The following DCBLD1 variants were observed in gnomAD, a reference collection of about 807,000 sequenced individuals.
DCBLD1 encodes discoidin, CUB and LCCL domain containing 1.
A neutral mutation model predicts 71.5 loss-of-function variants in DCBLD1; 57 were observed. That is an observed-to-expected ratio of 0.80 (90% confidence interval 0.64 to 0.99). DCBLD1 has a LOEUF of 0.99. DCBLD1 is among the 50% of genes least tolerant of loss of function. DCBLD1 has a pLI of 0.00. For missense variants in DCBLD1, 891 were observed against 923.5 expected, an observed-to-expected ratio of 0.96 and a Z score of 0.46; for synonymous variants, 380 against 363.8, an observed-to-expected ratio of 1.04 and a Z score of -0.51.
At chr6:117,569,450 A>T in intron 14 of DCBLD1, 1 of 1,305,554 alleles carries the variant, frequency 7.7e-7, no homozygotes, top group East Asian at 2.7e-5. Context: ...ATTAAATCAA[A>T]GGAAACAAGA....
At chr6:117,550,925 A>C (rs1048138870), downstream of DCBLD1, among the ~76,000 whole-genome samples, 1 of 152,166 alleles carries the variant, frequency 6.6e-6, no homozygotes, top group Non-Finnish European at 1.5e-5. Context: ...AGAGCAGTTG[A>C]ATCCCTCCAA....
chr6:117,562,807 G>A (rs1779613352), intron 14 of DCBLD1: 1 of 210,668 alleles, frequency 4.7e-6, no homozygotes, highest in Non-Finnish European at 9.6e-6. Flanking sequence ...ACAATTCATT[G>A]AGTCAAGCTC....
intron 1 of DCBLD1, among the ~76,000 whole-genome samples, chr6:117,502,981 C>CCTTG (rs1461471577): frequency 1.3e-5 from 2 of 152,134 alleles, no homozygotes. Flanking sequence ...TTCTTTCTTG[C>CCTTG]CTCTCTCCTT....
intron 7 of DCBLD1, 93 bp from the exon 8 acceptor site, chr6:117,538,527 G>A (rs1778976174): frequency 8.3e-7 from 1 of 1,201,632 alleles, no homozygotes; most frequent in Non-Finnish European, 1.2e-6. Flanking sequence ...AAGTCAACTA[G>A]TTGAATATTT....
At chr6:117,537,662 C>CTTTTTTT (rs68032011) in intron 7 of DCBLD1, among the ~76,000 whole-genome samples, 1 of 46,880 alleles carries the variant, frequency 2.1e-5, no homozygotes, top group Non-Finnish European at 3.7e-5. Context: ...TACATAGCAC[C>CTTTTTTT]TTTTTTTTTT....
At chr6:117,553,515 A>G (rs899755579), downstream of DCBLD1, among the ~76,000 whole-genome samples, 1 of 152,192 alleles carries the variant, frequency 6.6e-6, no homozygotes, top group African/African-American at 2.4e-5. Context: ...TCTCCCAAGT[A>G]TAAAGAATTC....
chr6:117,515,287 G>T (rs529288692), intron 2 of DCBLD1, among the ~76,000 whole-genome samples: 14 of 152,256 alleles, frequency 9.2e-5, no homozygotes, highest in Admixed American at 2.0e-4. Context: ...CTCCCACAGT[G>T]CTGGGATTAC....
chr6:117,545,351 A>G (rs1779231730), intron 13 of DCBLD1, 127 bp from the exon 14 acceptor site: 2 of 1,265,090 alleles, frequency 1.6e-6, no homozygotes, highest in Admixed American at 3.9e-5. Flanking sequence ...CACACACCTG[A>G]GGAGGACATT....
chr6:117,543,596 C>T (rs1361172830), intron 12 of DCBLD1, among the ~76,000 whole-genome samples: 1 of 152,156 alleles, frequency 6.6e-6, no homozygotes, highest in African/African-American at 2.4e-5. Context: ...TGGTCTCAAA[C>T]TTCTGGTCTC....
chr6:117,483,314 C>A (rs1198546704), intron 1 of DCBLD1, among the ~76,000 whole-genome samples: 1 of 152,240 alleles, frequency 6.6e-6, no homozygotes, highest in African/African-American at 2.4e-5. Context: ...TTGACAAAGC[C>A]GCTCCTCGGC....
intron 11 of DCBLD1, 83 bp from the exon 12 acceptor site, chr6:117,543,041 T>A: frequency 8.4e-7 from 1 of 1,184,074 alleles, no homozygotes; most frequent in Non-Finnish European, 1.3e-6. Context: ...TAAAGACTTT[T>A]CAATTCCATG....
intron 4 of DCBLD1, among the ~76,000 whole-genome samples, chr6:117,523,046 T>G (rs12183926): frequency 0.016 from 2,453 of 152,294 alleles, 52 homozygotes; most frequent in African/African-American, 0.056. Context: ...TAATTAAATA[T>G]TGGTTTTAAA....
At chr6:117,528,445 T>A (rs1778612314) in intron 5 of DCBLD1, among the ~76,000 whole-genome samples, 1 of 152,266 alleles carries the variant, frequency 6.6e-6, no homozygotes, top group African/African-American at 2.4e-5. Flanking sequence ...CAACCTAAAA[T>A]GTTTACTTTT....
At chr6:117,532,519 T>G in intron 6 of DCBLD1, 126 bp downstream of exon 6, 1 of 1,219,698 alleles carries the variant, frequency 8.2e-7, no homozygotes, top group Non-Finnish European at 1.1e-6. Context: ...TGGAAAAATA[T>G]GCATGAGTGC....
intron 1 of DCBLD1, among the ~76,000 whole-genome samples, chr6:117,499,440 C>T (rs1777579943): frequency 6.6e-6 from 1 of 151,484 alleles, no homozygotes; most frequent in Non-Finnish European, 1.5e-5. Context: ...AAAAAGCATA[C>T]AGGATAACAA....
intron 2 of DCBLD1, among the ~76,000 whole-genome samples, chr6:117,513,977 A>C (rs998941061): frequency 1.3e-5 from 2 of 152,200 alleles, no homozygotes; most frequent in African/African-American, 4.8e-5. Context: ...CTTTCATAAG[A>C]CAAGAGATTA....
At position 117,548,431 on chromosome 6, in the gene DCBLD1, C is replaced by T. The variant is rs210622; in HGVS notation, c.2140C>T (p.Leu714Phe). The change falls in exon 15 of 15, where the codon CTT becomes TTT. Residue 714 changes from leucine to phenylalanine, a missense_variant. Physicochemically the swap from Leu to Phe is conservative, Grantham distance 22. Transcript: ENST00000338728. ...TPLNQTAMTA[L>F]L ...CCTCAACCAGACGGCCATGACTGCC[C>T]TTTTGTGAACACAATGTGAAAGAAG... 8.6e-3 allele frequency: 13,319 copies of T among 1,550,566 alleles called. 977 individuals carry two copies. In the African/African-American group the frequency reaches 0.16, roughly 19 times the overall value.
chr6:117,567,096 C>A, intron 14 of DCBLD1: 2 of 1,297,510 alleles, frequency 1.5e-6, no homozygotes, highest in Non-Finnish European at 2.1e-6. Flanking sequence ...AAAAGGATTT[C>A]CAAATTCTTT....
intron 6 of DCBLD1, among the ~76,000 whole-genome samples, chr6:117,535,127 T>G (rs1236066661): frequency 2.0e-5 from 3 of 152,210 alleles, no homozygotes; most frequent in Non-Finnish European, 4.4e-5. Context: ...CACACATGAT[T>G]GTTTGGCATT....
Sources: gnomAD v4.1 joint callset for allele counts (sites outside exome capture counted in the v4.1 genomes callset) on GRCh38, gnomAD v4.1.1 for gene constraint, MANE v1.5 for transcripts, NCBI Gene and HGNC (gene_info 2026-07-23, HGNC 2026-07-21) for gene names.